PARD3B: variants seen among roughly 807,000 people sequenced by gnomAD.
PARD3B encodes the protein par-3 family cell polarity regulator beta, also known as partitioning defective 3 homolog B.
Under a neutral mutation model 130.2 loss-of-function variants are expected in PARD3B, and 103 were observed. That is an observed-to-expected ratio of 0.79 (90% CI 0.67 to 0.93). The LOEUF (loss-of-function observed/expected upper bound fraction) is 0.93. Ranked by LOEUF, PARD3B falls within the 40% of genes least tolerant of loss-of-function variation. PARD3B has a pLI of 0.00. For missense variants in PARD3B, 1,609 were observed against 1,499.2 expected, an observed-to-expected ratio of 1.07 and a Z score of -1.21; for synonymous variants, 583 against 553.2, an observed-to-expected ratio of 1.05 and a Z score of -0.76.
intron 12 of PARD3B, among the ~76,000 whole-genome samples, chr2:205,175,731 G>GA (rs917134144): frequency 5.3e-5 from 8 of 150,514 alleles, no homozygotes; most frequent in South Asian, 2.1e-4. Context: ...AACCTTTTTG[G>GA]AAAAAAAAAT....
At chr2:205,487,087 T>G (rs1308675291) in intron 20 of PARD3B, among the ~76,000 whole-genome samples, 1 of 152,202 alleles carries the variant, frequency 6.6e-6, no homozygotes, top group Non-Finnish European at 1.5e-5. Context: ...ATTGGCCTCA[T>G]GGTCACTTAC....
Position 205,183,442 on chromosome 2 carries a change from CCTT to C in PARD3B, c.1925-2319_1925-2317del, listed in dbSNP as rs1483354636. On this transcript the variant is annotated intron_variant, in intron 13 of 22. Transcript: ENST00000406610. The surrounding 1 kb of genome is among the most constrained non-coding windows in gnomAD (Gnocchi z 5.2). ...CATTGTCCCCAATTTACATTACAGT[CCTT>C]CTGTTCTGTTTCTCTTAGCAAGTCT... Among the ~76,000 whole-genome samples the C allele has an allele frequency of 2.0e-5, 3 of 152,150 alleles. No homozygotes were observed. Among genetic ancestry groups the C allele is most frequent in the African/African-American group, 7.2e-5 (3 of 41,440 alleles).
intron 1 of PARD3B, among the ~76,000 whole-genome samples, chr2:204,652,296 T>G (rs114880171): frequency 6.6e-6 from 1 of 152,320 alleles, no homozygotes; most frequent in Non-Finnish European, 1.5e-5. Flanking sequence ...TGCACACGAC[T>G]GTATGCATTA....
At chr2:204,844,034 AATT>A (rs1361427918) in intron 2 of PARD3B, among the ~76,000 whole-genome samples, 4 of 152,152 alleles carry the variant, frequency 2.6e-5, no homozygotes, top group Non-Finnish European at 5.9e-5. Context: ...GGATTTAGCA[AATT>A]AACAGGAGAG....
chr2:204,569,928 T>C (rs1559161626), intron 1 of PARD3B, among the ~76,000 whole-genome samples: 1 of 152,142 alleles, frequency 6.6e-6, no homozygotes, highest in Non-Finnish European at 1.5e-5. Context: ...AATCAAACCT[T>C]TCTCTGAACG....
intron 2 of PARD3B, among the ~76,000 whole-genome samples, chr2:204,720,670 A>T (rs1375950800): frequency 6.6e-6 from 1 of 152,226 alleles, no homozygotes; most frequent in African/African-American, 2.4e-5. Context: ...TGATCAGACA[A>T]TGCAGGTTTG....
At position 205,121,255 on chromosome 2, in the gene PARD3B, T is replaced by A. The variant is rs1208559508; in HGVS notation, c.807-336T>A. 6.6e-6 allele frequency among the ~76,000 whole-genome samples: 1 copy of A among 152,214 alleles called. No homozygotes were observed. The highest frequency in any genetic ancestry group is 1.5e-5 in the Non-Finnish European group (1 of 68,032). ...GGTTAGATTTTCATCTTTAGAAACA[T>A]GTAAAAGCTGTGGGTCATTGGATAA... On this transcript the variant is annotated intron_variant, in intron 7 of 22. Coordinates refer to ENST00000406610, the MANE Select transcript of PARD3B (RefSeq NM_001302769.2). The surrounding 1 kb of genome is among the most constrained non-coding windows in gnomAD (Gnocchi z 5.0).
At chr2:204,577,749 G>T (rs919081468) in intron 1 of PARD3B, among the ~76,000 whole-genome samples, 5 of 150,652 alleles carry the variant, frequency 3.3e-5, no homozygotes, top group Non-Finnish European at 7.4e-5. Flanking sequence ...TTTAAAAATT[G>T]TTTTTTTTTC....
chr2:205,348,991 T>A (rs559795024), intron 18 of PARD3B, among the ~76,000 whole-genome samples: 12 of 152,148 alleles, frequency 7.9e-5, no homozygotes, highest in Non-Finnish European at 1.3e-4. Flanking sequence ...TAGAGTGTAA[T>A]CTTAGCATTG....
At position 205,091,805 on chromosome 2, in the gene PARD3B, T is replaced by G. The variant is rs1409923851; in HGVS notation, c.505-12621T>G. Among the ~76,000 whole-genome samples, 1 of 152,062 alleles carries G rather than the reference T, an allele frequency of 6.6e-6. No individual in the cohort carries two copies. The highest frequency in any genetic ancestry group is 2.4e-5 in the African/African-American group (1 of 41,406). On this transcript the variant is annotated intron_variant, in intron 4 of 22. Transcript: ENST00000406610. This position sits in a 1 kb window ranked among gnomAD's most constrained non-coding sequence, Gnocchi z 4.2. ...AGTATCTTCTCTCCAGCTTCTGTGC[T>G]CCTTACTCCCCAGAATGGACTCTTC...
At chr2:204,840,444 T>A (rs114094341) in intron 2 of PARD3B, among the ~76,000 whole-genome samples, 1 of 152,170 alleles carries the variant, frequency 6.6e-6, no homozygotes, top group Non-Finnish European at 1.5e-5. Context: ...ACCCAGAATC[T>A]TTGTTTTACC....
chr2:205,076,183 T>G (rs1701050767), intron 4 of PARD3B, among the ~76,000 whole-genome samples: 2 of 152,158 alleles, frequency 1.3e-5, no homozygotes, highest in South Asian at 4.1e-4. Context: ...AGCTGTCTGG[T>G]TAACTATAGT....
chr2:205,421,144 A>AC lies in PARD3B; in HGVS notation c.2742-19225dup, dbSNP rs2046957797. 2.6e-5 allele frequency among the ~76,000 whole-genome samples: 4 copies of AC among 152,028 alleles called. No individual in the cohort carries two copies. Among genetic ancestry groups the AC allele is most frequent in the African/African-American group, 9.7e-5 (4 of 41,372 alleles). ...GACTCCATCTCAAAAAACAAAAAAA[A>AC]CAAAACAAAAAAAACGGAAAAGAAA... On this transcript the variant is annotated intron_variant, in intron 19 of 22. Transcript: ENST00000406610. This position sits in a 1 kb window ranked among gnomAD's most constrained non-coding sequence, Gnocchi z 5.1.
At chr2:204,944,402 C>T (rs1011021081) in intron 2 of PARD3B, among the ~76,000 whole-genome samples, 2 of 152,140 alleles carry the variant, frequency 1.3e-5, no homozygotes, top group Non-Finnish European at 2.9e-5. Context: ...GAGATGTGCC[C>T]TTTGGTAAAT....
intron 2 of PARD3B, among the ~76,000 whole-genome samples, chr2:204,926,713 C>G (rs1039078378): frequency 2.6e-5 from 4 of 152,046 alleles, no homozygotes; most frequent in African/African-American, 9.7e-5. Flanking sequence ...CCATTGACCT[C>G]TTAAATTCTG....
rs185901993 is a variant in PARD3B, at chr2:205,582,588, T to G, written c.3260+29185T>G. Among the ~76,000 whole-genome samples the G allele has an allele frequency of 1.1e-3, 165 of 152,248 alleles. 1 individual carries two copies. The highest frequency in any genetic ancestry group is 9.7e-3 in the Admixed American group (148 of 15,286). On this transcript the variant is annotated intron_variant, in intron 22 of 22. Transcript: ENST00000406610. ...GGAATTTTTTTTAAATTCTCTAGAC[T>G]AGATTATTGCCTTTTCCTCAAATAT...
rs954706270 is a variant in PARD3B at position 205,405,568 on chromosome 2, C to A, written c.2741+4445C>A. ...ATTTGAGAATGGTACCCAAACATTACTGATGAATATCCCATCAATCTAAGC... is the reference window on the plus strand; with the variant it reads ...ATTTGAGAATGGTACCCAAACATTAATGATGAATATCCCATCAATCTAAGC... On this transcript the variant is annotated intron_variant, in intron 19 of 22. Coordinates refer to ENST00000406610, the MANE Select transcript of PARD3B (RefSeq NM_001302769.2). The surrounding 1 kb of genome is among the most constrained non-coding windows in gnomAD (Gnocchi z 4.1). 6.6e-6 allele frequency among the ~76,000 whole-genome samples: 1 copy of A among 152,184 alleles called. No individual in the cohort carries two copies. The highest frequency in any genetic ancestry group is 1.5e-5 in the Non-Finnish European group (1 of 68,038).
rs140591378 is a variant in PARD3B, at chr2:205,422,006, C to T, written c.2742-18364C>T. Among the ~76,000 whole-genome samples the T allele has an allele frequency of 2.5e-3, 375 of 152,258 alleles. 7 individuals are homozygous for T. The highest frequency in any genetic ancestry group is 8.6e-3 in the African/African-American group (358 of 41,552). On this transcript the variant is annotated intron_variant, in intron 19 of 22. Coordinates refer to ENST00000406610, the MANE Select transcript of PARD3B (RefSeq NM_001302769.2). ...GAGTTCTATCAATAGACAAGTCAAA[C>T]AAGGACGCTGCTTCCATGAAGATTC...
chr2:205,101,074 T>A (rs915450521), intron 4 of PARD3B, among the ~76,000 whole-genome samples: 2 of 152,158 alleles, frequency 1.3e-5, no homozygotes, highest in African/African-American at 2.4e-5. Flanking sequence ...GAAAACATAT[T>A]TGTAAATCAT....
Sources: allele counts gnomAD v4.1 joint callset (sites outside exome capture counted in the v4.1 genomes callset), GRCh38; gene constraint gnomAD v4.1.1; non-coding constraint Gnocchi (gnomAD v3.1); transcripts MANE v1.5; gene names NCBI Gene and HGNC (gene_info 2026-07-23, HGNC 2026-07-21).